The following TMPRSS2 variants were observed in gnomAD, a reference collection of about 807,000 sequenced individuals.
TMPRSS2 encodes transmembrane protease serine 2.
TMPRSS2 carries 59 observed loss-of-function variants against 67.4 expected under a neutral mutation model. That is an observed-to-expected ratio of 0.88 (90% CI 0.71 to 1.09). The LOEUF (loss-of-function observed/expected upper bound fraction) is 1.09. Ranked by LOEUF, TMPRSS2 falls within the 50% of genes least tolerant of loss-of-function variation. The pLI, the probability that TMPRSS2 is intolerant of heterozygous loss-of-function variation, is 0.00. For synonymous variants in TMPRSS2, 257 were observed against 257.0 expected (o/e 1.00, Z 0.00); for missense variants, 668 against 642.7 (o/e 1.04, Z -0.43).
At chr21:41,496,201 G>A (rs2091381264) in intron 2 of TMPRSS2, among the ~76,000 whole-genome samples, 1 of 152,158 alleles carries the variant, frequency 6.6e-6, no homozygotes, top group Non-Finnish European at 1.5e-5. Flanking sequence ...AGCGAGACTG[G>A]CACAGGTATG....
rs2091071657 is a variant in TMPRSS2, at chr21:41,464,808, T to G, written c.*1334A>C. On this transcript the variant is annotated 3_prime_UTR_variant, in exon 14 of 14. Transcript: ENST00000332149. ...CAGAGGCATGTGCACAGACAGATCC[T>G]GCAAATGGGATTGCATGACTTTCCA... The G allele has an allele frequency of 4.3e-6, 1 of 233,216 alleles. No individual in the cohort carries two copies. Among genetic ancestry groups the G allele is most frequent in the African/African-American group, 2.2e-5 (1 of 45,346 alleles). The allele number at this position is 233,216 out of a possible 1,614,324, so 14.4% of individuals were successfully genotyped here. A position where few individuals can be genotyped will look rare whatever the true frequency, so the allele number is the denominator to read the frequency against.
chr21:41,479,208 G>T lies in TMPRSS2; in HGVS notation c.647C>A (p.Ala216Asp). 1 of 1,613,988 alleles carries T rather than the reference G, an allele frequency of 6.2e-7. No homozygotes were observed. Among genetic ancestry groups the T allele is most frequent in the Non-Finnish European group, 8.5e-7 (1 of 1,179,980 alleles). Residue 216 changes from alanine (A) to aspartate (D), a missense_variant, in exon 7 of 14, where the codon GCC (alanine) becomes GAC (aspartate). By Grantham distance (126) the Ala-to-Asp change is moderately radical. Transcript: ENST00000332149. ...TTTTTTATAGATATCGACATTGCCGGCACTTGTGTTCAGTTTCATAAAGCT... is the reference window on the plus strand; with the variant it reads ...TTTTTTATAGATATCGACATTGCCGTCACTTGTGTTCAGTTTCATAAAGCT... ...STSFMKLNTS[A>D]GNVDIYKKLY...
At chr21:41,503,029 T>C (rs899211340) in intron 1 of TMPRSS2, among the ~76,000 whole-genome samples, 1 of 152,194 alleles carries the variant, frequency 6.6e-6, no homozygotes, top group Non-Finnish European at 1.5e-5. Context: ...AGTTGAGGGA[T>C]ACAAGATCAA....
rs184164037 is a variant in TMPRSS2, at chr21:41,472,853, T to C, written c.899+472A>G. ...GGGTGGTAGCGTCCATAAATGCTAA[T>C]ACTGTCACGGCTAGCCTCACCCCTA... On this transcript the variant is annotated intron_variant, in intron 9 of 13. Coordinates refer to ENST00000332149, the MANE Select transcript of TMPRSS2 (RefSeq NM_005656.4). Among the ~76,000 whole-genome samples, 731 of 152,280 alleles carry C rather than the reference T, an allele frequency of 4.8e-3. 5 individuals are homozygous for C. Among genetic ancestry groups the C allele is most frequent in the African/African-American group, 0.017 (692 of 41,568 alleles).
Position 41,470,727 on chromosome 21 carries a change from C to T in TMPRSS2, c.1092G>A (p.Val364=), listed in dbSNP as rs140121827. The T allele has an allele frequency of 4.2e-5, 67 of 1,613,410 alleles. No individual in the cohort carries two copies. The East Asian group carries it at 1.4e-3, about 34-fold the overall frequency. Residue 364 remains valine (V), a synonymous_variant, in exon 11 of 14, where the codon GTG becomes GTA. Coordinates refer to ENST00000332149, the MANE Select transcript of TMPRSS2 (RefSeq NM_005656.4). ...GCATCATGCCTGGGTTGGGCAGACACACTGGTTTCACTAGGTCTGTTTCAA... is the reference window on the plus strand; with the variant it reads ...GCATCATGCCTGGGTTGGGCAGACATACTGGTTTCACTAGGTCTGTTTCAA... ...PLTFNDLVKP[V]CLPNPGMMLQ... is the part of the protein sequence containing the mutation.
intron 8 of TMPRSS2, among the ~76,000 whole-genome samples, chr21:41,475,285 G>A (rs111220497): frequency 0.38 from 1,262 of 3,304 alleles, 55 homozygotes; most frequent in Middle Eastern, 0.5. Context: ...GAAGGGATGA[G>A]TGAGGGGGTA....
chr21:41,492,342 A>G (rs771632181), intron 3 of TMPRSS2, among the ~76,000 whole-genome samples: 21 of 152,292 alleles, frequency 1.4e-4, no homozygotes, highest in Non-Finnish European at 2.1e-4. Context: ...CATTTGGAGG[A>G]CTATGGACCT....
At chr21:41,472,523 G>C (rs2091143322) in intron 9 of TMPRSS2, among the ~76,000 whole-genome samples, 1 of 151,778 alleles carries the variant, frequency 6.6e-6, no homozygotes, top group Admixed American at 6.6e-5. Flanking sequence ...CCAGTTCCTA[G>C]AGGGCCCAGA....
chr21:41,479,600 GC>G (rs1437210357), intron 6 of TMPRSS2, among the ~76,000 whole-genome samples: 1 of 150,358 alleles, frequency 6.7e-6, no homozygotes, highest in South Asian at 2.1e-4. Flanking sequence ...TGTTAACATG[GC>G]CCCAGTTATC....
chr21:41,488,335 C>T (rs1601581579), intron 5 of TMPRSS2, 59 bp downstream of exon 5: 3 of 1,582,296 alleles, frequency 1.9e-6, no homozygotes, highest in African/African-American at 2.7e-5. Flanking sequence ...GCCCCTGGAC[C>T]CGGCTGCTGT....
rs547186777 is a variant in TMPRSS2, at chr21:41,465,810, T to C, written c.*332A>G. On this transcript the variant is annotated 3_prime_UTR_variant, in exon 14 of 14. Coordinates refer to ENST00000332149, the MANE Select transcript of TMPRSS2 (RefSeq NM_005656.4). The stretch of plus-strand genomic sequence containing the variant: ...CATCCAGCAGCTGAGAGGTGACAGC[T>C]CCATGCTCATCCAAAATTGGCCCCT... 1 of 390,274 alleles carries C rather than the reference T, an allele frequency of 2.6e-6. No homozygotes were observed. Among genetic ancestry groups the C allele is most frequent in the African/African-American group, 2.0e-5 (1 of 48,824 alleles). 24.2% of individuals were successfully genotyped at this position (390,274 alleles called of 1,614,324 possible). A position where few individuals can be genotyped will look rare whatever the true frequency, so the allele number is the denominator to read the frequency against.
intron 3 of TMPRSS2, among the ~76,000 whole-genome samples, chr21:41,492,591 A>T (rs1245955381): frequency 6.6e-6 from 1 of 152,242 alleles, no homozygotes; most frequent in South Asian, 2.1e-4. Flanking sequence ...TTTCTTAAAA[A>T]TAGTACCAGG....
intron 5 of TMPRSS2, chr21:41,487,068 T>G (rs79468500): frequency 0.024 from 3,691 of 152,404 alleles, 43 homozygotes; most frequent in Middle Eastern, 0.044. Context: ...AATCCGTGTG[T>G]TGAAGAGGGA....
chr21:41,506,926 GA>G (rs1375264263), intron 1 of TMPRSS2, among the ~76,000 whole-genome samples: 1 of 152,214 alleles, frequency 6.6e-6, no homozygotes, highest in African/African-American at 2.4e-5. Context: ...CGCACGGAGG[GA>G]AGGGCTGCGC....
chr21:41,493,242 G>T (rs2091352429), intron 3 of TMPRSS2, among the ~76,000 whole-genome samples: 1 of 152,168 alleles, frequency 6.6e-6, no homozygotes, highest in African/African-American at 2.4e-5. Context: ...AGCATCGGAA[G>T]AAGGGAAAGA....
chr21:41,476,819 G>A (rs966120444), intron 7 of TMPRSS2, among the ~76,000 whole-genome samples, 199 bp from the exon 8 acceptor site: 1 of 152,184 alleles, frequency 6.6e-6, no homozygotes, highest in African/African-American at 2.4e-5. Context: ...GCCAAGGTAC[G>A]CGGCTCACAT....
chr21:41,488,345 T>C, intron 5 of TMPRSS2, 49 bp downstream of exon 5: 1 of 1,589,190 alleles, frequency 6.3e-7, no homozygotes. Flanking sequence ...CCGGCTGCTG[T>C]CTCCAAGGTG....
At chr21:41,466,224 T>C in intron 13 of TMPRSS2, 71 bp from the exon 14 acceptor site, 1 of 1,544,594 alleles carries the variant, frequency 6.5e-7, no homozygotes, top group South Asian at 1.1e-5. Flanking sequence ...AATTTTTTCC[T>C]CTAGGTTCGC....
chr21:41,503,957 C>A (rs1003186434), intron 1 of TMPRSS2, among the ~76,000 whole-genome samples: 3 of 152,218 alleles, frequency 2.0e-5, no homozygotes, highest in Admixed American at 6.5e-5. Context: ...GCAGTGGGGT[C>A]AGGCTGAGTG....
Sources: gnomAD v4.1 joint callset for allele counts (sites outside exome capture counted in the v4.1 genomes callset) on GRCh38, gnomAD v4.1.1 for gene constraint, MANE v1.5 for transcripts, NCBI Gene and HGNC (gene_info 2026-07-23, HGNC 2026-07-21) for gene names.